Variants in HTRA3 observed in about 807,000 individuals in gnomAD.
HTRA3 encodes the protein serine protease HTRA3.
HTRA3 carries 41 observed loss-of-function variants against 43.2 expected under a neutral mutation model. The observed-to-expected ratio is 0.95, with a 90% confidence interval of 0.74 to 1.23. HTRA3 has a LOEUF of 1.23. Ranked by LOEUF, HTRA3 falls within the 50% of genes most tolerant of loss-of-function variation. The pLI, the probability that HTRA3 is intolerant of heterozygous loss-of-function variation, is 0.00. For missense variants in HTRA3, 628 were observed against 647.1 expected (o/e 0.97, Z 0.32); for synonymous variants, 295 against 287.9 (o/e 1.02, Z -0.25).
Position 8,296,310 on chromosome 4 carries a change from C to T in HTRA3, c.1051+2109C>T. ...ATCCCAGAACCCCCTGGGAAATATC[C>T]CCTGTCCTCAGAGCTGTGTCCCCTC... On this transcript the variant is annotated intron_variant, in intron 6 of 8. Coordinates refer to ENST00000307358, the MANE Select transcript of HTRA3 (RefSeq NM_053044.5). This position sits in a 1 kb window ranked among gnomAD's most constrained non-coding sequence, Gnocchi z 5.3. 1 of 985,466 alleles carries T rather than the reference C, an allele frequency of 1.0e-6. No individual in the cohort carries two copies. Among genetic ancestry groups the T allele is most frequent in the Non-Finnish European group, 1.2e-6 (1 of 829,986 alleles). 61.0% of individuals were successfully genotyped at this position (985,466 alleles called of 1,614,324 possible).
At chr4:8,304,111 G>A in intron 7 of HTRA3, 73 bp from the exon 8 acceptor site, 1 of 1,235,146 alleles carries the variant, frequency 8.1e-7, no homozygotes, top group Non-Finnish European at 1.2e-6. Context: ...GCTGGAGGGA[G>A]GGAGGGGCAG....
rs764767458 is a variant in HTRA3, at chr4:8,282,448, C to A, written c.397C>A (p.Leu133Met). 3 of 1,613,502 alleles carry A rather than the reference C, an allele frequency of 1.9e-6. No homozygotes were observed. Among genetic ancestry groups the A allele is most frequent in the African/African-American group, 2.7e-5 (2 of 75,052 alleles). ...KGACPLGLHQ[L>M]SSPRYKFNFI... ...TCCCGCCAGCGCAGGTCTCCACCAGCTGAGCAGCCCGCGCTACAAGTTCAA... is the reference window on the plus strand; with the variant it reads ...TCCCGCCAGCGCAGGTCTCCACCAGATGAGCAGCCCGCGCTACAAGTTCAA... Residue 133 changes from leucine to methionine, a missense_variant, in exon 2 of 9, where the codon CTG (leucine) becomes ATG (methionine). By Grantham distance (15) the Leu-to-Met change is conservative. Transcript: ENST00000307358.
rs1713425040 is a variant in HTRA3, at chr4:8,295,566, C to T, written c.1051+1365C>T. The T allele has an allele frequency of 1.7e-6, 1 of 588,228 alleles. No homozygotes were observed. 36.4% of individuals were successfully genotyped at this position (588,228 alleles called of 1,614,324 possible). On this transcript the variant is annotated intron_variant, in intron 6 of 8. Coordinates refer to ENST00000307358, the MANE Select transcript of HTRA3 (RefSeq NM_053044.5). This position sits in a 1 kb window ranked among gnomAD's most constrained non-coding sequence, Gnocchi z 6.9. ...GGCCTTTCCTGGGGGCCTCTCCCTCCCCACCTTCTCTTCAGCCCTAGTGAG... is the reference window on the plus strand; with the variant it reads ...GGCCTTTCCTGGGGGCCTCTCCCTCTCCACCTTCTCTTCAGCCCTAGTGAG...
chr4:8,289,458 C>T (rs184481170), intron 3 of HTRA3, among the ~76,000 whole-genome samples: 1,668 of 152,292 alleles, frequency 0.011, 26 homozygotes, highest in African/African-American at 0.038. Context: ...CTCGAGGACC[C>T]CTGTGGGAAG....
At chr4:8,274,669 A>G (rs1460072281) in intron 1 of HTRA3, among the ~76,000 whole-genome samples, 1 of 152,206 alleles carries the variant, frequency 6.6e-6, no homozygotes, top group Admixed American at 6.5e-5. Context: ...ATAAATGTCC[A>G]TCCACGGGAT....
chr4:8,300,350 G>T (rs1713592385), intron 6 of HTRA3, among the ~76,000 whole-genome samples: 1 of 152,188 alleles, frequency 6.6e-6, no homozygotes, highest in Admixed American at 6.5e-5. Context: ...TCTCCAGTGA[G>T]ATCTTTTAGG....
chr4:8,292,288 A>G (rs1436590959), intron 4 of HTRA3, 33 bp from the exon 5 acceptor site: 2 of 1,606,044 alleles, frequency 1.2e-6, no homozygotes, highest in Admixed American at 1.7e-5. Context: ...AGGCGGGGTC[A>G]GGCACAGCTA....
At chr4:8,283,163 G>A (rs978406542) in intron 2 of HTRA3, among the ~76,000 whole-genome samples, 2 of 152,238 alleles carry the variant, frequency 1.3e-5, no homozygotes, top group Admixed American at 6.5e-5. Context: ...GGAAGTGGCA[G>A]AATGAATGAG....
rs1713861216 is a variant in HTRA3, at chr4:8,306,655, T to A, written c.*519T>A. The A allele has an allele frequency of 6.8e-6, 1 of 147,174 alleles. No individual in the cohort carries two copies. Among genetic ancestry groups the A allele is most frequent in the African/African-American group, 2.9e-5 (1 of 34,566 alleles). The allele number at this position is 147,174 out of a possible 1,614,324, so 9.1% of individuals were successfully genotyped here. On this transcript the variant is annotated 3_prime_UTR_variant, in exon 9 of 9. Coordinates refer to ENST00000307358, the MANE Select transcript of HTRA3 (RefSeq NM_053044.5). The surrounding 1 kb of genome is among the most constrained non-coding windows in gnomAD (Gnocchi z 8.9). Reference sequence around the variant, plus strand: ...TCCCTGGAGGACAGGTCACATCTGATCCCTTTGGGGTGCGGGGGTGGGGTC... The same window carrying A: ...TCCCTGGAGGACAGGTCACATCTGAACCCTTTGGGGTGCGGGGGTGGGGTC...
chr4:8,270,906 G>A (rs1712243342), intron 1 of HTRA3, among the ~76,000 whole-genome samples: 1 of 152,188 alleles, frequency 6.6e-6, no homozygotes, highest in African/African-American at 2.4e-5. Flanking sequence ...AGCCTCCCTT[G>A]AGGCAGTCGG....
rs1410974584 is a variant in HTRA3, at chr4:8,279,006, T to TC, written c.386-3426dup. On this transcript the variant is annotated intron_variant, in intron 1 of 8. Coordinates refer to ENST00000307358, the MANE Select transcript of HTRA3 (RefSeq NM_053044.5). The surrounding 1 kb of genome is among the most constrained non-coding windows in gnomAD (Gnocchi z 7.4). ...CCTCCCCTCCTCTCTCCGCCCCTCCTCCCCCTCCATCCCTTCCCTCTGAAA... is the reference window on the plus strand; with the variant it reads ...CCTCCCCTCCTCTCTCCGCCCCTCCTCCCCCCTCCATCCCTTCCCTCTGAAA... Among the ~76,000 whole-genome samples the TC allele has an allele frequency of 6.8e-6, 1 of 148,068 alleles. No individual in the cohort carries two copies. Among genetic ancestry groups the TC allele is most frequent in the Non-Finnish European group, 1.5e-5 (1 of 67,006 alleles).
At position 8,296,332 on chromosome 4, in the gene HTRA3, C is replaced by T; in HGVS notation, c.1051+2131C>T. On this transcript the variant is annotated intron_variant, in intron 6 of 8. Transcript: ENST00000307358. This position sits in a 1 kb window ranked among gnomAD's most constrained non-coding sequence, Gnocchi z 5.3. Reference sequence around the variant, plus strand: ...ATCCCCTGTCCTCAGAGCTGTGTCCCCTCCCCAAGGACAGTGCAGACTAAC... The same window carrying T: ...ATCCCCTGTCCTCAGAGCTGTGTCCTCTCCCCAAGGACAGTGCAGACTAAC... 1.3e-5 allele frequency: 13 copies of T among 985,476 alleles called. No individual in the cohort carries two copies. Among genetic ancestry groups the T allele is most frequent in the Non-Finnish European group, 1.6e-5 (13 of 829,964 alleles). The allele number at this position is 985,476 out of a possible 1,614,324, so 61.0% of individuals were successfully genotyped here. A position where few individuals can be genotyped will look rare whatever the true frequency, so the allele number is the denominator to read the frequency against.
intron 4 of HTRA3, 130 bp from the exon 5 acceptor site, chr4:8,292,191 C>A: frequency 1.4e-6 from 1 of 725,698 alleles, no homozygotes; most frequent in Non-Finnish European, 2.4e-6. Context: ...AGCACTGAGG[C>A]CTTTCGATGC....
At position 8,297,678 on chromosome 4, in the gene HTRA3, T is replaced by A. The variant is rs1713501925; in HGVS notation, c.1051+3477T>A. Among the ~76,000 whole-genome samples the A allele has an allele frequency of 6.6e-6, 1 of 152,006 alleles. No homozygotes were observed. The highest frequency in any genetic ancestry group is 2.4e-5 in the African/African-American group (1 of 41,388). Reference sequence around the variant, plus strand: ...GAGATTGCAGGGGACTCCCAGGCAGTGGGAGTGGGAAGGGCCCATGTCCCA... The same window carrying A: ...GAGATTGCAGGGGACTCCCAGGCAGAGGGAGTGGGAAGGGCCCATGTCCCA... On this transcript the variant is annotated intron_variant, in intron 6 of 8. Coordinates refer to ENST00000307358, the MANE Select transcript of HTRA3 (RefSeq NM_053044.5). This position sits in a 1 kb window ranked among gnomAD's most constrained non-coding sequence, Gnocchi z 5.8.
intron 1 of HTRA3, among the ~76,000 whole-genome samples, chr4:8,270,649 C>A (rs868626799): frequency 2.0e-5 from 3 of 152,222 alleles, no homozygotes; most frequent in Non-Finnish European, 4.4e-5. Context: ...ACTGATGTCT[C>A]GTGCCCATTC....
chr4:8,283,273 G>T (rs1348641246), intron 2 of HTRA3, among the ~76,000 whole-genome samples: 1 of 152,192 alleles, frequency 6.6e-6, no homozygotes, highest in Non-Finnish European at 1.5e-5. Flanking sequence ...CCCCGTAGAG[G>T]AAGTGGTGTG....
rs143070903 is a variant in HTRA3, at chr4:8,301,068, T to G, written c.1052-1395T>G. ...TCTCAGCTTTATTATCGATTCACAC[T>G]CTTTATTATTGATTCACACCCATCT... On this transcript the variant is annotated intron_variant, in intron 6 of 8. Transcript: ENST00000307358. Among the ~76,000 whole-genome samples, 311 of 152,000 alleles carry G rather than the reference T, an allele frequency of 2.0e-3. 2 individuals are homozygous for G. The highest frequency in any genetic ancestry group is 5.4e-4 in the Non-Finnish European group (37 of 67,946).
In HTRA3 at chr4:8,286,836, C is replaced by T. The variant is rs923712625; in HGVS notation, c.708+53C>T. On this transcript the variant is annotated intron_variant, in intron 3 of 8. Coordinates refer to ENST00000307358, the MANE Select transcript of HTRA3 (RefSeq NM_053044.5). The surrounding 1 kb of genome is among the most constrained non-coding windows in gnomAD (Gnocchi z 4.9). ...AGCACCTGGGGCTGGGCATGGTGGC[C>T]TCTTCCCAGACGCCGGAACCCAGAG... 62 of 1,407,224 alleles carry T rather than the reference C, an allele frequency of 4.4e-5. No individual in the cohort carries two copies. The highest frequency in any genetic ancestry group is 3.2e-4 in the Admixed American group (17 of 53,134). The allele number at this position is 1,407,224 out of a possible 1,614,324, so 87.2% of individuals were successfully genotyped here. A position where few individuals can be genotyped will look rare whatever the true frequency, so the allele number is the denominator to read the frequency against.
chr4:8,287,734 A>T (rs541979039), intron 3 of HTRA3, among the ~76,000 whole-genome samples: 2 of 152,324 alleles, frequency 1.3e-5, no homozygotes, highest in South Asian at 4.1e-4. Flanking sequence ...ACACAGAGCC[A>T]AACCATATCA....
Sources: allele counts gnomAD v4.1 joint callset (sites outside exome capture counted in the v4.1 genomes callset), GRCh38; gene constraint gnomAD v4.1.1; non-coding constraint Gnocchi (gnomAD v3.1); transcripts MANE v1.5; gene names NCBI Gene and HGNC (gene_info 2026-07-23, HGNC 2026-07-21).